The following CEP112 variants were observed in gnomAD, a reference collection of about 807,000 sequenced individuals.
The protein encoded by CEP112 is centrosomal protein of 112 kDa.
CEP112 carries 127 observed loss-of-function variants against 153.0 expected under a neutral mutation model. That is an observed-to-expected ratio of 0.83 (90% CI 0.72 to 0.96). The LOEUF is 0.96. CEP112 is among the 40% of genes least tolerant of loss of function. The pLI is 0.00. For synonymous variants in CEP112, 358 were observed against 374.4 expected, an observed-to-expected ratio of 0.96 and a Z score of 0.51; for missense variants, 1,089 against 1,101.2, an observed-to-expected ratio of 0.99 and a Z score of 0.16.
At chr17:65,714,091 T>C (rs2049355407) in intron 23 of CEP112, among the ~76,000 whole-genome samples, 1 of 152,208 alleles carries the variant, frequency 6.6e-6, no homozygotes, top group Non-Finnish European at 1.5e-5. Context: ...AAGTATCCTC[T>C]ACCTTCCCCT....
chr17:65,806,350 T>C (rs2055596243), intron 21 of CEP112, among the ~76,000 whole-genome samples: 1 of 152,232 alleles, frequency 6.6e-6, no homozygotes, highest in African/African-American at 2.4e-5. Flanking sequence ...GGAGAGTAGG[T>C]AGTCATTGGA....
chr17:66,041,504 C>T (rs867736275), intron 12 of CEP112, among the ~76,000 whole-genome samples: 4 of 152,092 alleles, frequency 2.6e-5, no homozygotes, highest in Non-Finnish European at 5.9e-5. Flanking sequence ...TTACTGTATA[C>T]ACAGGCTAGT....
chr17:65,968,361 CACTT>C (rs1302288298), intron 17 of CEP112, among the ~76,000 whole-genome samples: 1 of 152,160 alleles, frequency 6.6e-6, no homozygotes, highest in African/African-American at 2.4e-5. Context: ...AAAATATTCT[CACTT>C]ACATTCATCA....
chr17:66,060,439 G>A (rs35446621), intron 11 of CEP112, among the ~76,000 whole-genome samples: 77,868 of 151,978 alleles, frequency 0.51, 20,819 homozygotes, highest in Non-Finnish European at 0.57. Context: ...AAGATTCTGA[G>A]TAGCCAAAGC....
chr17:66,101,757 A>C (rs2068577722), intron 6 of CEP112, among the ~76,000 whole-genome samples: 1 of 152,094 alleles, frequency 6.6e-6, no homozygotes, highest in Non-Finnish European at 1.5e-5. Flanking sequence ...ATTACTGTAT[A>C]GTTTAAATAC....
intron 17 of CEP112, among the ~76,000 whole-genome samples, chr17:65,977,877 C>T (rs952821848): frequency 6.6e-6 from 1 of 151,982 alleles, no homozygotes; most frequent in Admixed American, 6.6e-5. Context: ...GAGTTCAAGA[C>T]CAGCCTGGAC....
At chr17:65,881,172 G>A (rs548308022) in intron 20 of CEP112, among the ~76,000 whole-genome samples, 1 of 152,232 alleles carries the variant, frequency 6.6e-6, no homozygotes, top group South Asian at 2.1e-4. Context: ...AGCCGAGATA[G>A]CGCCACTGCA....
At chr17:66,080,374 AAAG>A (rs1164734826) in intron 8 of CEP112, among the ~76,000 whole-genome samples, 2 of 152,254 alleles carry the variant, frequency 1.3e-5, no homozygotes, top group Non-Finnish European at 2.9e-5. Flanking sequence ...ACACTTCTCA[AAAG>A]AAGACGTTTA....
At chr17:65,916,285 G>GTGTGTGTGTGTGTGTGTA (rs1568222913) in intron 19 of CEP112, among the ~76,000 whole-genome samples, 29 of 148,424 alleles carry the variant, frequency 2.0e-4, no homozygotes, top group South Asian at 9.0e-4. Flanking sequence ...GTGTGTGTGT[G>GTGTGTGTGTGTGTGTGTA]TGTGTGTATG....
At chr17:66,130,806 T>A (rs564165578) in intron 5 of CEP112, among the ~76,000 whole-genome samples, 10 of 150,694 alleles carry the variant, frequency 6.6e-5, no homozygotes, top group Admixed American at 2.0e-4. Flanking sequence ...CACACAATTA[T>A]GGTGATTCTT....
At chr17:66,038,110 A>AAAAAAAG (rs71293591) in intron 12 of CEP112, among the ~76,000 whole-genome samples, 16 of 120,706 alleles carry the variant, frequency 1.3e-4, no homozygotes, top group African/African-American at 5.2e-4. Context: ...CAAAAAAAAA[A>AAAAAAAG]AAAAGAAAAG....
At chr17:66,145,271 G>A (rs2070873887) in intron 4 of CEP112, among the ~76,000 whole-genome samples, 1 of 151,992 alleles carries the variant, frequency 6.6e-6, no homozygotes, top group Non-Finnish European at 1.5e-5. Context: ...AATCCTTTAT[G>A]TATTCTAGCC....
At chr17:65,951,864 T>C (rs916551371) in intron 18 of CEP112, among the ~76,000 whole-genome samples, 1 of 152,026 alleles carries the variant, frequency 6.6e-6, no homozygotes, top group Non-Finnish European at 1.5e-5. Context: ...TTTAAAGCTA[T>C]AAGTCTTTCT....
chr17:65,971,574 T>C (rs1201886889), intron 17 of CEP112, among the ~76,000 whole-genome samples: 2 of 152,190 alleles, frequency 1.3e-5, no homozygotes, highest in Non-Finnish European at 2.9e-5. Context: ...TGTATGTATA[T>C]GGCATGTATA....
intron 23 of CEP112, among the ~76,000 whole-genome samples, chr17:65,730,635 T>C (rs1486464113): frequency 1.3e-5 from 2 of 152,146 alleles, no homozygotes; most frequent in African/African-American, 4.8e-5. Flanking sequence ...GGCATCGAGA[T>C]TTCTTCCTGT....
chr17:65,680,086 A>G (rs1415216279), intron 24 of CEP112, among the ~76,000 whole-genome samples: 1 of 152,114 alleles, frequency 6.6e-6, no homozygotes, highest in African/African-American at 2.4e-5. Context: ...TGAAAGAAAA[A>G]TCTGTCTTGT....
intron 18 of CEP112, among the ~76,000 whole-genome samples, chr17:65,958,005 G>A (rs2062058023): frequency 6.6e-6 from 1 of 151,990 alleles, no homozygotes; most frequent in African/African-American, 2.4e-5. Flanking sequence ...TAATACATTT[G>A]TATTTTCTGT....
intron 17 of CEP112, among the ~76,000 whole-genome samples, chr17:65,970,945 A>G (rs1055310176): frequency 2.0e-5 from 3 of 152,150 alleles, no homozygotes; most frequent in Non-Finnish European, 4.4e-5. Flanking sequence ...CCCATATTAT[A>G]TTACATACCT....
rs771108755 is a variant in CEP112 at position 65,976,735 on chromosome 17, CTTT to C, written c.1737-15140_1737-15138del. 2.0e-3 allele frequency among the ~76,000 whole-genome samples: 167 copies of C among 85,326 alleles called. 1 individual carries two copies. Among genetic ancestry groups the C allele is most frequent in the African/African-American group, 8.6e-3 (158 of 18,442 alleles). The allele number at this position is 85,326 out of a possible 152,430, so 56.0% of individuals were successfully genotyped here. On this transcript the variant is annotated intron_variant, in intron 17 of 26. Coordinates refer to ENST00000535342, the MANE Select transcript of CEP112 (RefSeq NM_001199165.4). ...TTTTAAAGTAAACTTATAACTTTTT[CTTT>C]TTTTTTTTTTTTTTTTGAGACAGAG...
Sources: gnomAD v4.1 joint callset for allele counts (sites outside exome capture counted in the v4.1 genomes callset) on GRCh38, gnomAD v4.1.1 for gene constraint, MANE v1.5 for transcripts, NCBI Gene and HGNC (gene_info 2026-07-23, HGNC 2026-07-21) for gene names.